Variants in GLB1L observed in about 807,000 individuals in gnomAD.
GLB1L encodes beta-galactosidase-1-like protein.
In GLB1L, 58 loss-of-function variants were observed where a neutral mutation model predicts 75.7. That is an observed-to-expected ratio of 0.77 (90% confidence interval 0.62 to 0.95). GLB1L has a LOEUF of 0.95. Ranked by LOEUF, GLB1L falls within the 40% of genes least tolerant of loss-of-function variation. The probability of loss-of-function intolerance (pLI) is 0.00; values close to 1 mark genes in which losing one functional copy is unlikely to be tolerated. For missense variants in GLB1L, 797 were observed against 805.5 expected (o/e 0.99, Z 0.13); for synonymous variants, 296 against 303.0 (o/e 0.98, Z 0.24).
In GLB1L at chr2:219,239,138, C is replaced by T. The variant is rs942286368; in HGVS notation, c.1016G>A (p.Gly339Glu). ...AGCAAAAAGCTTAGGTGTGGGGTCC[C>T]CTGCTTCAGATATAGGTGCATCATA... ...YDYDAPISEA[G>E]DPTPKLFALR... The change falls in exon 11 of 17, where the codon GGG becomes GAG. Residue 339 changes from glycine to glutamate, a missense_variant. By Grantham distance (98) the Gly-to-Glu change is moderately conservative. Coordinates refer to ENST00000295759, the MANE Select transcript of GLB1L (RefSeq NM_001286423.2). 6.2e-7 allele frequency: 1 copy of T among 1,614,082 alleles called. No individual in the cohort carries two copies.
At chr2:219,243,826 G>T (rs562613742) in intron 1 of GLB1L, 183 bp from the exon 2 acceptor site, 2 of 462,450 alleles carry the variant, frequency 4.3e-6, no homozygotes, top group African/African-American at 2.0e-5. Flanking sequence ...GGAGAATCTG[G>T]CTGGGCACGA....
intron 10 of GLB1L, 35 bp from the exon 11 acceptor site, chr2:219,239,245 A>G: frequency 1.3e-6 from 2 of 1,559,304 alleles, no homozygotes; most frequent in East Asian, 2.2e-5. Context: ...TTCAACATGT[A>G]TTTCAGATGA....
At chr2:219,239,723 G>A in intron 8 of GLB1L, 41 bp from the exon 9 acceptor site, 1 of 1,614,190 alleles carries the variant, frequency 6.2e-7, no homozygotes, top group Non-Finnish European at 8.5e-7. Flanking sequence ...AGATGGAACT[G>A]AGCTGGACCC....
intron 2 of GLB1L, 65 bp downstream of exon 2, chr2:219,243,437 C>T: frequency 6.2e-7 from 1 of 1,603,168 alleles, no homozygotes; most frequent in Non-Finnish European, 8.5e-7. Flanking sequence ...TTTGGACTTT[C>T]TCTCATCCGC....
rs1951426920 is a variant in GLB1L, at chr2:219,242,905, T to TGACC, written c.252_253insGGTC (p.Asn85GlyfsTer12). On this transcript the variant is annotated frameshift_variant, in exon 4 of 17. Transcript: ENST00000295759. LOFTEE classifies it high-confidence loss of function. ...ACCCCAGGCTGTGGCTCGTGGTAGT[T>TGACC]CCAGGGCACATAACTGAGAAAGGAA... 5 of 1,614,022 alleles carry TGACC rather than the reference T, an allele frequency of 3.1e-6. No individual in the cohort carries two copies. The highest frequency in any genetic ancestry group is 4.2e-6 in the Non-Finnish European group (5 of 1,180,018).
At position 219,243,317 on chromosome 2, in the gene GLB1L, A is replaced by G; in HGVS notation, c.73-3T>C. 2 of 1,593,336 alleles carry G rather than the reference A, an allele frequency of 1.3e-6. No homozygotes were observed. Among genetic ancestry groups the G allele is most frequent in the South Asian group, 1.1e-5 (1 of 89,680 alleles). The stretch of plus-strand genomic sequence containing the variant: ...ACTACGAACGACCGAGTGTCTGCCT[A>G]TAAAGAGAAAGAGACGCTGCTCAGC... On this transcript the variant is annotated splice_region_variant and splice_polypyrimidine_tract_variant and intron_variant, in intron 2 of 16. Transcript: ENST00000295759.
chr2:219,242,876 A>T lies in GLB1L; in HGVS notation c.282T>A (p.Tyr94Ter). ...TGAGGTCCCGGCTGCCATTAAAGTT[A>T]TAGACCCCAGGCTGTGGCTCGTGGT... ...WNYHEPQPGV[Y>*]NFNGSRDLIA... Residue 94 changes from tyrosine to a stop codon, truncating the protein, a stop_gained, in exon 4 of 17, where the codon TAT becomes TAA. Transcript: ENST00000295759. LOFTEE classifies it high-confidence loss of function. 6.2e-7 allele frequency: 1 copy of T among 1,614,106 alleles called. No individual in the cohort carries two copies. Among genetic ancestry groups the T allele is most frequent in the Non-Finnish European group, 8.5e-7 (1 of 1,180,042 alleles).
At chr2:219,243,475 G>C in intron 2 of GLB1L, 27 bp downstream of exon 2, 1 of 1,613,256 alleles carries the variant, frequency 6.2e-7, no homozygotes. Flanking sequence ...ACCGCACCCG[G>C]CAGGCTGGTT....
chr2:219,240,334 C>T, intron 5 of GLB1L, 49 bp from the exon 6 acceptor site: 1 of 1,401,090 alleles, frequency 7.1e-7, no homozygotes, highest in Middle Eastern at 1.8e-4. Flanking sequence ...ATCACACTTG[C>T]TCACCACTAA....
intron 11 of GLB1L, 125 bp downstream of exon 11, chr2:219,238,966 TG>T: frequency 1.2e-6 from 1 of 851,414 alleles, no homozygotes; most frequent in Non-Finnish European, 1.9e-6. Flanking sequence ...AATGCCTCAG[TG>T]GGATGCTCAG....
intron 5 of GLB1L, among the ~76,000 whole-genome samples, chr2:219,241,902 T>C (rs1951403322): frequency 6.6e-6 from 1 of 151,982 alleles, no homozygotes; most frequent in Non-Finnish European, 1.5e-5. Context: ...ATAAGCCAGC[T>C]GAGAGAGATG....
Position 219,239,074 on chromosome 2 carries a change from A to C in GLB1L, c.1062+18T>G. 4 of 1,508,616 alleles carry C rather than the reference A, an allele frequency of 2.7e-6. No homozygotes were observed. Among genetic ancestry groups the C allele is most frequent in the Non-Finnish European group, 3.7e-6 (4 of 1,090,922 alleles). 93.5% of individuals were successfully genotyped at this position (1,508,616 alleles called of 1,614,324 possible). A position where few individuals can be genotyped will look rare whatever the true frequency, so the allele number is the denominator to read the frequency against. ...AAATTAATAAAAGCCTTTGGAGCTT[A>C]ATGAAATGGTAGGGTACCTTGCTGA... is the stretch of plus-strand genomic sequence containing the variant. On this transcript the variant is annotated intron_variant, in intron 11 of 16. Coordinates refer to ENST00000295759, the MANE Select transcript of GLB1L (RefSeq NM_001286423.2).
rs1184264640 is a variant in GLB1L, at chr2:219,238,518, T to C, written c.1204A>G (p.Met402Val). 2.5e-6 allele frequency: 4 copies of C among 1,613,988 alleles called. No individual in the cohort carries two copies. The highest frequency in any genetic ancestry group is 3.3e-5 in the Admixed American group (2 of 59,988). Reference sequence around the variant, plus strand: ...ACCTGCTTGACAGCCTCAAAGGTCATTGGCAAGATTGAATGAATGGGCCCA... The same window carrying C: ...ACCTGCTTGACAGCCTCAAAGGTCACTGGCAAGATTGAATGAATGGGCCCA... ...PRGPIHSILP[M>V]TFEAVKQDHG... Residue 402 changes from methionine (M) to valine (V), a missense_variant, in exon 13 of 17, where the codon ATG becomes GTG. Physicochemically the swap from Met to Val is conservative, Grantham distance 21. Transcript: ENST00000295759.
At position 219,240,209 on chromosome 2, in the gene GLB1L, G is replaced by T; in HGVS notation, c.528C>A (p.Gly176=). Residue 176 remains glycine (G), a synonymous_variant, in exon 6 of 17, where the codon GGC becomes GGA. Transcript: ENST00000295759. The part of the protein sequence containing the change: ...KIYPWLYHNG[G]NIISIQVENE... ...CTTGTACCTGAATGCTAATGATGTT[G>T]CCCCCATTGTGATAAAGCCATGGAT... The T allele has an allele frequency of 6.2e-7, 1 of 1,614,098 alleles. No individual in the cohort carries two copies. The highest frequency in any genetic ancestry group is 8.5e-7 in the Non-Finnish European group (1 of 1,179,942).
At chr2:219,242,975 C>G in intron 3 of GLB1L, 57 bp from the exon 4 acceptor site, 2 of 1,602,424 alleles carry the variant, frequency 1.2e-6, no homozygotes, top group Non-Finnish European at 8.5e-7. Context: ...GGAGGCCTAA[C>G]GGCTCAGGCC....
At chr2:219,243,673 C>T (rs1365034827) in intron 1 of GLB1L, 30 bp from the exon 2 acceptor site, 2 of 1,205,068 alleles carry the variant, frequency 1.7e-6, no homozygotes, top group Non-Finnish European at 2.4e-6. Flanking sequence ...GAAACCACCT[C>T]AAGTTGCCAG....
At position 219,240,217 on chromosome 2, in the gene GLB1L, T is replaced by A; in HGVS notation, c.520A>T (p.Asn174Tyr). The A allele has an allele frequency of 6.2e-7, 1 of 1,614,194 alleles. No homozygotes were observed. Among genetic ancestry groups the A allele is most frequent in the Non-Finnish European group, 8.5e-7 (1 of 1,180,022 alleles). Residue 174 changes from asparagine (N) to tyrosine (Y), a missense_variant, in exon 6 of 17, where the codon AAT becomes TAT. Coordinates refer to ENST00000295759, the MANE Select transcript of GLB1L (RefSeq NM_001286423.2). ...TGAATGCTAATGATGTTGCCCCCAT[T>A]GTGATAAAGCCATGGATATATCTTG... ...LPKIYPWLYHNGGNIISIQVE... is the reference protein window; with the variant it reads ...LPKIYPWLYHYGGNIISIQVE...
In GLB1L at chr2:219,240,279, A is replaced by T. The variant is rs747018242; in HGVS notation, c.458T>A (p.Leu153His). The change falls in exon 6 of 17, where the codon CTT becomes CAT. Residue 153 changes from leucine (L) to histidine (H), a missense_variant. Leu to His is a moderately conservative substitution (Grantham distance 99, BLOSUM62 -3). Transcript: ENST00000295759. ...IHLRTSDPDFLAAVDSWFKVL... is the reference protein window; with the variant it reads ...IHLRTSDPDFHAAVDSWFKVL... Reference sequence around the variant, plus strand: ...CTTGAACCAGGAGTCCACTGCGGCAAGGAAGTCTAAAGGAAGGAGCAGAGC... The same window carrying T: ...CTTGAACCAGGAGTCCACTGCGGCATGGAAGTCTAAAGGAAGGAGCAGAGC... The T allele has an allele frequency of 1.1e-5, 18 of 1,613,900 alleles. No individual in the cohort carries two copies. The highest frequency in any genetic ancestry group is 1.5e-5 in the Non-Finnish European group (18 of 1,179,834).
chr2:219,243,196 G>T lies in GLB1L; in HGVS notation c.191C>A (p.Ala64Asp). The change falls in exon 3 of 17, where the codon GCC (alanine) becomes GAC (aspartate). Residue 64 changes from alanine (A) to aspartate (D), a missense_variant. By Grantham distance (126) the Ala-to-Asp change is moderately radical. Coordinates refer to ENST00000295759, the MANE Select transcript of GLB1L (RefSeq NM_001286423.2). ...CCATCGCATCTTCAAAAGCCGGTCGGCCCAAAGCACCCGCGGTACCCGAAA... is the reference window on the plus strand; with the variant it reads ...CCATCGCATCTTCAAAAGCCGGTCGTCCCAAAGCACCCGCGGTACCCGAAA... ...HYFRVPRVLWADRLLKMRWSG... is the reference protein window; with the variant it reads ...HYFRVPRVLWDDRLLKMRWSG... 12 of 1,613,974 alleles carry T rather than the reference G, an allele frequency of 7.4e-6. No homozygotes were observed. Among genetic ancestry groups the T allele is most frequent in the African/African-American group, 1.3e-5 (1 of 75,058 alleles).
Sources: allele counts gnomAD v4.1 joint callset (sites outside exome capture counted in the v4.1 genomes callset), GRCh38; gene constraint gnomAD v4.1.1; transcripts MANE v1.5; gene names NCBI Gene and HGNC (gene_info 2026-07-23, HGNC 2026-07-21).